The following MYO1H variants were observed in gnomAD, a reference collection of about 807,000 sequenced individuals.
The protein encoded by MYO1H is unconventional myosin-Ih.
In MYO1H, 118 loss-of-function variants were observed where a neutral mutation model predicts 149.3. The observed-to-expected ratio is 0.79, with a 90% confidence interval of 0.68 to 0.92. The LOEUF (loss-of-function observed/expected upper bound fraction) is 0.92. Ranked by LOEUF, MYO1H falls within the 40% of genes least tolerant of loss-of-function variation. The probability of loss-of-function intolerance (pLI) is 0.00; values close to 1 mark genes in which losing one functional copy is unlikely to be tolerated. For synonymous variants in MYO1H, 447 were observed against 465.2 expected (o/e 0.96, Z 0.50); for missense variants, 1,212 against 1,280.7 (o/e 0.95, Z 0.82).
intron 16 of MYO1H, among the ~76,000 whole-genome samples, chr12:109,422,248 G>A (rs957905308): frequency 1.3e-5 from 2 of 152,240 alleles, no homozygotes; most frequent in East Asian, 1.9e-4. Context: ...GTGAGCAGGT[G>A]AACAGTCACC....
intron 1 of MYO1H, among the ~76,000 whole-genome samples, chr12:109,369,276 A>G (rs1468863491): frequency 2.0e-5 from 3 of 152,194 alleles, no homozygotes; most frequent in African/African-American, 7.2e-5. Context: ...GCTGCACAGT[A>G]TTCCATGGTG....
At chr12:109,358,402 C>A (rs2137002303) in intron 1 of MYO1H, among the ~76,000 whole-genome samples, 1 of 152,212 alleles carries the variant, frequency 6.6e-6, no homozygotes, top group Non-Finnish European at 1.5e-5. Flanking sequence ...TCAAGTTGAT[C>A]TCTTTTGGTT....
chr12:109,388,937 A>G, intron 2 of MYO1H, 93 bp downstream of exon 2: 1 of 1,420,538 alleles, frequency 7.0e-7, no homozygotes, highest in Middle Eastern at 1.9e-4. Context: ...GCACTCTATT[A>G]GGTTAGACAT....
the MYO1H span, among the ~76,000 whole-genome samples, chr12:109,323,396 CAG>C: frequency 6.6e-6 from 1 of 152,238 alleles, no homozygotes; most frequent in African/African-American, 2.4e-5. Context: ...GGCACAAAAA[CAG>C]AACATCCTTG....
chr12:109,382,059 A>G (rs1462609613), intron 1 of MYO1H, among the ~76,000 whole-genome samples: 1 of 152,230 alleles, frequency 6.6e-6, no homozygotes, highest in East Asian at 1.9e-4. Flanking sequence ...CATCTAATAA[A>G]TGAAGATGGT....
At chr12:109,311,291 T>A in the MYO1H span, among the ~76,000 whole-genome samples, 24 of 151,238 alleles carry the variant, frequency 1.6e-4, no homozygotes, top group Admixed American at 2.6e-4. Context: ...TAAAAAGGAG[T>A]GGGGTGGGAG....
chr12:109,336,327 A>G, the MYO1H span, among the ~76,000 whole-genome samples: 1 of 152,196 alleles, frequency 6.6e-6, no homozygotes, highest in Admixed American at 6.5e-5. Flanking sequence ...AACCCCTGTT[A>G]ACACCACATC....
At chr12:109,335,593 T>C in the MYO1H span, among the ~76,000 whole-genome samples, 5 of 151,998 alleles carry the variant, frequency 3.3e-5, no homozygotes, top group Non-Finnish European at 5.9e-5. Flanking sequence ...AAAAAACTAA[T>C]ATTTTGCCAG....
At position 109,401,158 on chromosome 12, in the gene MYO1H, C is replaced by T. The variant is rs575706022; in HGVS notation, c.636C>T (p.Asn212=). ...AGAAGTCCCGAGTTGTCTACCAAAACGAAGGCGAGCGGAATTTCCACATCT... is the reference window on the plus strand; with the variant it reads ...AGAAGTCCCGAGTTGTCTACCAAAATGAAGGCGAGCGGAATTTCCACATCT... The change falls in exon 6 of 32, where the codon AAC becomes AAT. Residue 212 remains asparagine, a synonymous_variant. Transcript: ENST00000310903. The T allele has an allele frequency of 1.2e-4, 199 of 1,613,872 alleles. 1 individual carries two copies. The highest frequency in any genetic ancestry group is 5.0e-5 in the Admixed American group (3 of 60,006).
chr12:109,399,461 G>A (rs567193533), intron 5 of MYO1H, among the ~76,000 whole-genome samples: 24 of 151,906 alleles, frequency 1.6e-4, no homozygotes, highest in South Asian at 1.3e-3. Context: ...GTGTGGTGGC[G>A]CACACCTGTA....
At chr12:109,326,503 ATTTTATTTTATTTTATTTTATTT>A in the MYO1H span, among the ~76,000 whole-genome samples, 8 of 97,234 alleles carry the variant, frequency 8.2e-5, no homozygotes. Context: ...ATTTTATTTT[ATTTTATTTTATTTTATTTTATTT>A]TATTTTATTT....
upstream of MYO1H, among the ~76,000 whole-genome samples, chr12:109,343,551 A>G (rs776611870): frequency 5.9e-5 from 9 of 152,310 alleles, no homozygotes; most frequent in Non-Finnish European, 1.2e-4. Flanking sequence ...TTCTACAGAC[A>G]CCTAGGTATT....
chr12:109,406,294 T>C (rs532329076), intron 8 of MYO1H, among the ~76,000 whole-genome samples: 2 of 152,028 alleles, frequency 1.3e-5, no homozygotes, highest in South Asian at 4.2e-4. Flanking sequence ...GGATACTCTA[T>C]GAACTCTTTA....
chr12:109,442,248 G>C (rs559702206), exon 27 of MYO1H: 5 of 1,613,890 alleles, frequency 3.1e-6, no homozygotes, highest in Admixed American at 1.7e-5. Context: ...AAGTGCTTCA[G>C]CTAATTAGCC....
chr12:109,422,496 G>A (rs573335743), intron 16 of MYO1H, among the ~76,000 whole-genome samples: 3 of 152,314 alleles, frequency 2.0e-5, no homozygotes, highest in South Asian at 2.1e-4. Flanking sequence ...GAGAACACTG[G>A]AGTGGACGTG....
Position 109,433,076 on chromosome 12 carries a change from C to T in MYO1H, c.2063+66C>T, listed in dbSNP as rs188696036. The T allele has an allele frequency of 6.8e-6, 9 of 1,319,688 alleles. No homozygotes were observed. The East Asian group carries it at 6.9e-5, about 10-fold the overall frequency. The allele number at this position is 1,319,688 out of a possible 1,614,324, so 81.7% of individuals were successfully genotyped here. A position where few individuals can be genotyped will look rare whatever the true frequency, so the allele number is the denominator to read the frequency against. On this transcript the variant is annotated intron_variant, in intron 20 of 31. Transcript: ENST00000310903. ...CATCAAAGGGTTTTGTGCATTGATC[C>T]GTATCCATCTAGAGCCTGGAGACTC...
chr12:109,336,264 C>A, the MYO1H span, among the ~76,000 whole-genome samples: 1 of 152,154 alleles, frequency 6.6e-6, no homozygotes, highest in Non-Finnish European at 1.5e-5. Flanking sequence ...CCCTATTTAG[C>A]CCATTCCTTC....
rs201480623 is a variant in MYO1H at position 109,435,802 on chromosome 12, G to A, written c.2141-686G>A. 6.6e-5 allele frequency among the ~76,000 whole-genome samples: 10 copies of A among 152,340 alleles called. No homozygotes were observed. The East Asian group carries it at 1.2e-3, about 18-fold the overall frequency. ...CACAGCAAGTAAGCAGCCTAGCTGC[G>A]GTTTGAACCTGGGTCTGTCTGGCTT... On this transcript the variant is annotated intron_variant, in intron 21 of 31. Transcript: ENST00000310903.
chr12:109,433,085 C>G (rs952364697), intron 20 of MYO1H, 75 bp downstream of exon 20: 2 of 1,239,564 alleles, frequency 1.6e-6, no homozygotes, highest in Non-Finnish European at 2.4e-6. Flanking sequence ...CCGTATCCAT[C>G]TAGAGCCTGG....
Sources: gnomAD v4.1 joint callset for allele counts (sites outside exome capture counted in the v4.1 genomes callset) on GRCh38, gnomAD v4.1.1 for gene constraint, MANE v1.5 for transcripts, NCBI Gene and HGNC (gene_info 2026-07-23, HGNC 2026-07-21) for gene names.